The following ST7 variants were observed in gnomAD, a reference collection of about 807,000 sequenced individuals.
ST7 encodes the protein suppression of tumorigenicity 7, also known as suppressor of tumorigenicity 7 protein.
In ST7, 28 loss-of-function variants were observed where a neutral mutation model predicts 78.7. The ratio of observed to expected loss-of-function variants is 0.36; its 90% CI spans 0.26 to 0.49. The LOEUF (loss-of-function observed/expected upper bound fraction) is 0.49. Among genes scored for constraint, ST7 ranks in the 20% least tolerant of loss-of-function variants. ST7 has a pLI of 0.99. For missense variants in ST7, 418 were observed against 696.0 expected (o/e 0.60, Z 4.49); for synonymous variants, 247 against 249.6 (o/e 0.99, Z 0.10).
chr7:117,003,302 T>C (rs994117928), intron 1 of ST7, among the ~76,000 whole-genome samples: 1 of 150,920 alleles, frequency 6.6e-6, no homozygotes, highest in African/African-American at 2.4e-5. Flanking sequence ...TGGCTAATTT[T>C]TCTTTATTTT....
At chr7:117,114,504 T>G (rs1802694459) in intron 2 of ST7, among the ~76,000 whole-genome samples, 1 of 152,194 alleles carries the variant, frequency 6.6e-6, no homozygotes, top group South Asian at 2.1e-4. Context: ...GCCATAAAGT[T>G]TCGTATTCCT....
At chr7:117,097,387 G>A (rs1245265450) in intron 1 of ST7, among the ~76,000 whole-genome samples, 1 of 150,480 alleles carries the variant, frequency 6.6e-6, no homozygotes, top group Non-Finnish European at 1.5e-5. Context: ...GTGCAATGGT[G>A]TGATCTTGAC....
At chr7:117,212,648 A>G (rs1792385590) in intron 13 of ST7, among the ~76,000 whole-genome samples, 1 of 152,224 alleles carries the variant, frequency 6.6e-6, no homozygotes, top group Non-Finnish European at 1.5e-5. Flanking sequence ...CTGGAAGTAA[A>G]TAAGCCTGTT....
At chr7:116,957,934 G>A (rs371801614) in intron 1 of ST7, among the ~76,000 whole-genome samples, 2 of 152,146 alleles carry the variant, frequency 1.3e-5, no homozygotes, top group African/African-American at 2.4e-5. Flanking sequence ...TTTGAAATCC[G>A]TTTTCATTCC....
intron 1 of ST7, among the ~76,000 whole-genome samples, chr7:117,069,084 C>G (rs1798786174): frequency 6.6e-6 from 1 of 152,200 alleles, no homozygotes; most frequent in African/African-American, 2.4e-5. Context: ...CCAGCTGCTT[C>G]AAGCCAGCTG....
At chr7:117,225,518 C>T (rs1793380293) in intron 15 of ST7, among the ~76,000 whole-genome samples, 1 of 152,142 alleles carries the variant, frequency 6.6e-6, no homozygotes, top group South Asian at 2.1e-4. Flanking sequence ...CCTTCTCCCG[C>T]CGCCTCCTCG....
chr7:117,094,108 C>T (rs1162405532), intron 1 of ST7, among the ~76,000 whole-genome samples: 1 of 152,158 alleles, frequency 6.6e-6, no homozygotes, highest in African/African-American at 2.4e-5. Context: ...GTTAATTTGT[C>T]TCATCATAGT....
chr7:117,202,734 A>C (rs73714391), intron 12 of ST7, among the ~76,000 whole-genome samples: 7,984 of 152,184 alleles, frequency 0.052, 703 homozygotes, highest in African/African-American at 0.18. Context: ...CTCACTTCCC[A>C]ATTGCCTATG....
intron 2 of ST7, 127 bp downstream of exon 2, chr7:117,099,971 A>G (rs1801445654): frequency 1.6e-6 from 1 of 643,730 alleles, no homozygotes; most frequent in Non-Finnish European, 2.5e-6. Context: ...GCACATGTAT[A>G]TATGTTGGGG....
chr7:117,143,983 C>T (rs933068481), intron 9 of ST7, among the ~76,000 whole-genome samples: 1 of 152,138 alleles, frequency 6.6e-6, no homozygotes, highest in Non-Finnish European at 1.5e-5. Context: ...CCCAAACCTT[C>T]GTGTGCGTTT....
chr7:117,218,922 T>C, intron 13 of ST7, 162 bp from the exon 14 acceptor site: 1 of 594,896 alleles, frequency 1.7e-6, no homozygotes, highest in Non-Finnish European at 3.0e-6. Context: ...TCCATCACAA[T>C]TTATCTCTGA....
In ST7 at chr7:117,131,966, T is replaced by A. The variant is rs765683071; in HGVS notation, c.641+6T>A. 1.2e-6 allele frequency: 2 copies of A among 1,610,428 alleles called. No homozygotes were observed. The highest frequency in any genetic ancestry group is 1.7e-6 in the Non-Finnish European group (2 of 1,177,600). On this transcript the variant is annotated splice_donor_region_variant and intron_variant, in intron 6 of 15. Coordinates refer to ENST00000323984, the MANE Select transcript of ST7 (RefSeq NM_001369598.1). ...GAAGCCTTGGAGATAAATGAGTAAG[T>A]GGGGGAAAATCTTGCTGTTAAAAAG...
intron 1 of ST7, among the ~76,000 whole-genome samples, chr7:117,062,699 A>C (rs1466308238): frequency 6.6e-6 from 1 of 152,212 alleles, no homozygotes; most frequent in Non-Finnish European, 1.5e-5. Flanking sequence ...ATAGTTTATC[A>C]TGGGTAAGTT....
intron 1 of ST7, among the ~76,000 whole-genome samples, chr7:117,052,208 G>A (rs188096422): frequency 6.6e-6 from 1 of 152,246 alleles, no homozygotes; most frequent in African/African-American, 2.4e-5. Context: ...CAATGTAAAG[G>A]GCCATAATTA....
intron 12 of ST7, chr7:117,198,642 C>T: frequency 5.3e-6 from 1 of 188,468 alleles, no homozygotes; most frequent in South Asian, 9.8e-5. Context: ...AACCCACTCC[C>T]ATCAGGTCTT....
chr7:117,103,048 A>G (rs1801684182), intron 2 of ST7, among the ~76,000 whole-genome samples: 1 of 152,192 alleles, frequency 6.6e-6, no homozygotes, highest in South Asian at 2.1e-4. Context: ...TACAAGGAAA[A>G]CTATTAAACC....
At position 116,953,566 on chromosome 7, in the gene ST7, TG is replaced by T; in HGVS notation, c.28del (p.Glu10SerfsTer7). The T allele has an allele frequency of 1.4e-6, 2 of 1,453,036 alleles. No individual in the cohort carries two copies. Among genetic ancestry groups the T allele is most frequent in the Non-Finnish European group, 9.2e-7 (1 of 1,084,000 alleles). 90.0% of individuals were successfully genotyped at this position (1,453,036 alleles called of 1,614,324 possible). ...ATGGCTGAAGCGGCCACGGGCTTTC[TG>T]GAGCAGCTCAAGTCCTGCATAGTTT... The part of the protein sequence containing the change: MAEAATGF[L>X]EQLKSCIVWS... On this transcript the variant is annotated frameshift_variant, in exon 1 of 16. Transcript: ENST00000323984. LOFTEE classifies it high-confidence loss of function.
At chr7:117,041,524 T>A (rs1797227089) in intron 1 of ST7, among the ~76,000 whole-genome samples, 1 of 152,238 alleles carries the variant, frequency 6.6e-6, no homozygotes, top group Non-Finnish European at 1.5e-5. Context: ...TTCTTCTTTT[T>A]CATGTTTTCC....
At chr7:117,024,468 G>C (rs1796092896) in intron 1 of ST7, among the ~76,000 whole-genome samples, 1 of 152,062 alleles carries the variant, frequency 6.6e-6, no homozygotes, top group African/African-American at 2.4e-5. Flanking sequence ...ATTGTGCCCT[G>C]GTCTAACACG....
Sources: allele counts gnomAD v4.1 joint callset (sites outside exome capture counted in the v4.1 genomes callset), GRCh38; gene constraint gnomAD v4.1.1; transcripts MANE v1.5; gene names NCBI Gene and HGNC (gene_info 2026-07-23, HGNC 2026-07-21).